The following TC2N variants were observed in gnomAD, a reference collection of about 807,000 sequenced individuals.
TC2N encodes tandem C2 domains nuclear protein.
In TC2N, 51 loss-of-function variants were observed where a neutral mutation model predicts 61.9. The observed-to-expected ratio is 0.82, with a 90% CI of 0.66 to 1.04. The LOEUF is 1.04. TC2N is among the 50% of genes least tolerant of loss of function. TC2N has a pLI of 0.00. For missense variants in TC2N, 556 were observed against 566.7 expected (o/e 0.98, Z 0.19); for synonymous variants, 204 against 192.6 (o/e 1.06, Z -0.49).
intron 1 of TC2N, among the ~76,000 whole-genome samples, chr14:91,846,395 G>A (rs1461762375): frequency 6.6e-6 from 1 of 151,970 alleles, no homozygotes; most frequent in East Asian, 1.9e-4. Flanking sequence ...CTCTTCCCTT[G>A]TCCACCGAAA....
rs912162792 is a variant in TC2N at position 91,837,962 on chromosome 14, G to C, written c.-56-24137C>G. On this transcript the variant is annotated intron_variant, in intron 1 of 11. Coordinates refer to ENST00000435962, the MANE Select transcript of TC2N (RefSeq NM_001128596.3). This position sits in a 1 kb window ranked among gnomAD's most constrained non-coding sequence, Gnocchi z 4.2. The stretch of plus-strand genomic sequence containing the variant: ...CACTGTTCACACAAAACTTTCATGA[G>C]TCATCTCATTTAATCCTGGAAATTG... Among the ~76,000 whole-genome samples the C allele has an allele frequency of 6.6e-6, 1 of 152,110 alleles. No homozygotes were observed. The highest frequency in any genetic ancestry group is 2.4e-5 in the African/African-American group (1 of 41,412).
intron 7 of TC2N, 97 bp from the exon 8 acceptor site, chr14:91,797,998 C>A: frequency 2.4e-6 from 2 of 823,654 alleles, no homozygotes; most frequent in East Asian, 2.6e-5. Context: ...ATAAAAACTG[C>A]AAAAAATAAA....
chr14:91,840,881 C>T (rs1222313251), intron 1 of TC2N, among the ~76,000 whole-genome samples: 2 of 152,114 alleles, frequency 1.3e-5, no homozygotes, highest in South Asian at 2.1e-4. Flanking sequence ...ACAGATGCTC[C>T]ACCAGGAGAA....
chr14:91,843,187 C>A (rs891641994), intron 1 of TC2N, among the ~76,000 whole-genome samples: 2 of 152,046 alleles, frequency 1.3e-5, no homozygotes, highest in African/African-American at 4.8e-5. Flanking sequence ...AACAGCTAAT[C>A]CCCAGCTGCC....
At chr14:91,828,146 G>A (rs1365577158) in intron 1 of TC2N, among the ~76,000 whole-genome samples, 1 of 151,908 alleles carries the variant, frequency 6.6e-6, no homozygotes, top group Non-Finnish European at 1.5e-5. Flanking sequence ...AAGGTATGTT[G>A]GTAGAAAACC....
At chr14:91,827,249 A>T (rs1887543107) in intron 1 of TC2N, among the ~76,000 whole-genome samples, 1 of 152,150 alleles carries the variant, frequency 6.6e-6, no homozygotes, top group South Asian at 2.1e-4. Context: ...GTTGCAACAA[A>T]TTACCACAAA....
At chr14:91,821,247 A>T (rs1887239486) in intron 1 of TC2N, among the ~76,000 whole-genome samples, 1 of 152,102 alleles carries the variant, frequency 6.6e-6, no homozygotes, top group African/African-American at 2.4e-5. Context: ...CATCAGGACA[A>T]TATAATATTA....
intron 1 of TC2N, among the ~76,000 whole-genome samples, chr14:91,833,355 T>C (rs984081781): frequency 2.0e-5 from 3 of 152,192 alleles, no homozygotes; most frequent in African/African-American, 4.8e-5. Context: ...GAAATAACTA[T>C]AGTATTTGAA....
chr14:91,803,214 CA>C (rs1362111913), intron 3 of TC2N, among the ~76,000 whole-genome samples: 2 of 151,656 alleles, frequency 1.3e-5, no homozygotes, highest in Non-Finnish European at 2.9e-5. Context: ...AAGATATTCA[CA>C]AAAAAATTAG....
chr14:91,841,402 C>T (rs1011132564), intron 1 of TC2N, among the ~76,000 whole-genome samples: 1 of 152,142 alleles, frequency 6.6e-6, no homozygotes, highest in Non-Finnish European at 1.5e-5. Flanking sequence ...CTATATGGTT[C>T]CAAGTTAGGT....
chr14:91,798,822 C>A (rs1423463652), intron 6 of TC2N, among the ~76,000 whole-genome samples, 167 bp downstream of exon 6: 1 of 151,930 alleles, frequency 6.6e-6, no homozygotes, highest in Non-Finnish European at 1.5e-5. Flanking sequence ...ATCTGAGTAT[C>A]CATATGCTGA....
At chr14:91,825,020 T>C (rs1887427787) in intron 1 of TC2N, among the ~76,000 whole-genome samples, 1 of 141,492 alleles carries the variant, frequency 7.1e-6, no homozygotes, top group Admixed American at 7.5e-5. Flanking sequence ...ATTTTCTTTT[T>C]CTTTTCTTTT....
intron 1 of TC2N, among the ~76,000 whole-genome samples, chr14:91,852,769 CAGA>C (rs1888400018): frequency 6.6e-6 from 1 of 151,992 alleles, no homozygotes; most frequent in East Asian, 1.9e-4. Context: ...GAAGAGAGGG[CAGA>C]AGAACATGGG....
chr14:91,827,206 A>G (rs576039436), intron 1 of TC2N, among the ~76,000 whole-genome samples: 5 of 152,094 alleles, frequency 3.3e-5, no homozygotes, highest in African/African-American at 1.2e-4. Flanking sequence ...TTTCCCTCCA[A>G]TAGCTTGGAT....
chr14:91,845,986 T>C (rs953664754), intron 1 of TC2N, among the ~76,000 whole-genome samples: 1 of 152,254 alleles, frequency 6.6e-6, no homozygotes, highest in African/African-American at 2.4e-5. Context: ...TACAAATTGC[T>C]GGCTAGTCTA....
At chr14:91,788,482 T>A (rs1489197658) in intron 9 of TC2N, among the ~76,000 whole-genome samples, 1 of 152,194 alleles carries the variant, frequency 6.6e-6, no homozygotes, top group Non-Finnish European at 1.5e-5. Context: ...TCACAGATCA[T>A]ACTAGGGCTC....
chr14:91,780,167 A>G lies in TC2N; in HGVS notation c.*2933T>C, dbSNP rs1351870352. Reference sequence around the variant, plus strand: ...CTCATTACACCCAACCAAACACAGAAAGAAATATATATTTTTGAAATGTCA... The same window carrying G: ...CTCATTACACCCAACCAAACACAGAGAGAAATATATATTTTTGAAATGTCA... On this transcript the variant is annotated 3_prime_UTR_variant, in exon 12 of 12. Coordinates refer to ENST00000435962, the MANE Select transcript of TC2N (RefSeq NM_001128596.3). The G allele has an allele frequency of 6.6e-6, 1 of 152,242 alleles. No homozygotes were observed. Among genetic ancestry groups the G allele is most frequent in the Non-Finnish European group, 1.5e-5 (1 of 68,038 alleles). The allele number at this position is 152,242 out of a possible 1,614,324, so 9.4% of individuals were successfully genotyped here.
At chr14:91,797,564 T>C (rs889903224) in intron 8 of TC2N, among the ~76,000 whole-genome samples, 12 of 152,070 alleles carry the variant, frequency 7.9e-5, no homozygotes, top group Non-Finnish European at 1.3e-4. Flanking sequence ...CTTCTATATA[T>C]TTTAGTGAAT....
chr14:91,822,708 C>T (rs1256989647), intron 1 of TC2N, among the ~76,000 whole-genome samples: 5 of 140,428 alleles, frequency 3.6e-5, no homozygotes. Context: ...GTAATATACT[C>T]ATTATCTTTT....
Sources: allele counts gnomAD v4.1 joint callset (sites outside exome capture counted in the v4.1 genomes callset), GRCh38; gene constraint gnomAD v4.1.1; non-coding constraint Gnocchi (gnomAD v3.1); transcripts MANE v1.5; gene names NCBI Gene and HGNC (gene_info 2026-07-23, HGNC 2026-07-21).